AKR1D1: variants seen among roughly 807,000 people sequenced by gnomAD.
The protein encoded by AKR1D1 is delta(4)-3-ketosteroid 5-beta-reductase.
AKR1D1 carries 32 observed loss-of-function variants against 42.6 expected under a neutral mutation model. The ratio of observed to expected loss-of-function variants is 0.75; its 90% CI spans 0.57 to 1.01. The LOEUF is 1.01. Among genes scored for constraint, AKR1D1 ranks in the 50% least tolerant of loss-of-function variants. The pLI is 0.00. For missense variants in AKR1D1, 364 were observed against 402.2 expected (o/e 0.91, Z 0.81); for synonymous variants, 123 against 135.5 (o/e 0.91, Z 0.64).
At chr7:138,114,344 A>C (rs1013624287) in intron 8 of AKR1D1, among the ~76,000 whole-genome samples, 1 of 152,210 alleles carries the variant, frequency 6.6e-6, no homozygotes, top group African/African-American at 2.4e-5. Flanking sequence ...GTAGCTCTTT[A>C]TTCTCTAAAT....
intron 7 of AKR1D1, among the ~76,000 whole-genome samples, chr7:138,112,367 A>T (rs1447978842): frequency 6.6e-6 from 1 of 152,230 alleles, no homozygotes; most frequent in Non-Finnish European, 1.5e-5. Flanking sequence ...CCCTGAAAAG[A>T]GTACTTGGAA....
chr7:138,093,772 A>G (rs1031928761), intron 3 of AKR1D1, among the ~76,000 whole-genome samples: 3 of 152,212 alleles, frequency 2.0e-5, no homozygotes, highest in Non-Finnish European at 4.4e-5. Flanking sequence ...GTTTACTATC[A>G]TTATCAAGTA....
At chr7:138,091,051 C>T (rs904424817) in intron 2 of AKR1D1, among the ~76,000 whole-genome samples, 1 of 152,152 alleles carries the variant, frequency 6.6e-6, no homozygotes, top group Admixed American at 6.5e-5. Flanking sequence ...TAAAGTATCA[C>T]GCTAGGTCAG....
chr7:138,104,629 G>A (rs575603073), intron 4 of AKR1D1, among the ~76,000 whole-genome samples: 9 of 146,872 alleles, frequency 6.1e-5, no homozygotes, highest in Non-Finnish European at 1.2e-4. Flanking sequence ...GCAGTGAGCC[G>A]AGATCGTGCC....
intron 8 of AKR1D1, among the ~76,000 whole-genome samples, chr7:138,114,309 T>C (rs907940931): frequency 6.6e-6 from 1 of 152,198 alleles, no homozygotes; most frequent in Non-Finnish European, 1.5e-5. Context: ...TCCTTCAAAA[T>C]GTCAAGTTCA....
intron 7 of AKR1D1, among the ~76,000 whole-genome samples, chr7:138,112,237 T>C (rs1794550018): frequency 6.6e-6 from 1 of 152,188 alleles, no homozygotes; most frequent in African/African-American, 2.4e-5. Context: ...AAAAAAGAAG[T>C]CTGAGTAAGG....
At chr7:138,113,567 G>C in intron 7 of AKR1D1, 123 bp from the exon 8 acceptor site, 2 of 826,718 alleles carry the variant, frequency 2.4e-6, no homozygotes, top group Non-Finnish European at 2.0e-6. Flanking sequence ...CCCAACACCA[G>C]CCTGACTCCT....
At chr7:138,080,952 T>A (rs1336339680) in intron 1 of AKR1D1, among the ~76,000 whole-genome samples, 1 of 152,096 alleles carries the variant, frequency 6.6e-6, no homozygotes, top group African/African-American at 2.4e-5. Flanking sequence ...TTTTTCAACA[T>A]CTCCCACAGT....
intron 1 of AKR1D1, among the ~76,000 whole-genome samples, chr7:138,087,961 A>G (rs560725511): frequency 1.3e-5 from 2 of 148,818 alleles, no homozygotes; most frequent in South Asian, 4.2e-4. Context: ...CATGATCATG[A>G]CTCACTGCAG....
At chr7:138,078,359 C>T (rs1802985300) in intron 1 of AKR1D1, among the ~76,000 whole-genome samples, 1 of 152,128 alleles carries the variant, frequency 6.6e-6, no homozygotes, top group South Asian at 2.1e-4. Context: ...AGATAAAACT[C>T]AGGTTGTAGC....
intron 3 of AKR1D1, among the ~76,000 whole-genome samples, chr7:138,096,714 C>T (rs1336470511): frequency 6.6e-6 from 1 of 152,162 alleles, no homozygotes. Flanking sequence ...TAAACATTTT[C>T]TTCTCATGGT....
At chr7:138,101,846 C>T (rs1242683978) in intron 4 of AKR1D1, among the ~76,000 whole-genome samples, 11 of 152,124 alleles carry the variant, frequency 7.2e-5, no homozygotes, top group Admixed American at 7.2e-4. Context: ...TGTTAATTTT[C>T]CCCAAATTCA....
At chr7:138,099,938 C>A (rs1259938555) in intron 4 of AKR1D1, among the ~76,000 whole-genome samples, 1 of 149,948 alleles carries the variant, frequency 6.7e-6, no homozygotes, top group Non-Finnish European at 1.5e-5. Flanking sequence ...TGAGGAATAT[C>A]ACGGGTGAGG....
chr7:138,106,493 T>C lies in AKR1D1; in HGVS notation c.580-115T>C, dbSNP rs1020061974. 3.4e-5 allele frequency: 26 copies of C among 773,522 alleles called. No individual in the cohort carries two copies. In the South Asian group the frequency reaches 3.5e-4, roughly 10 times the overall value. 47.9% of individuals were successfully genotyped at this position (773,522 alleles called of 1,614,324 possible). ...ACTAGGACACGAAATGTATATAGTA[T>C]GAAGGAGATTCTATTAATAAAATGG... On this transcript the variant is annotated intron_variant, in intron 5 of 8. Coordinates refer to ENST00000242375, the MANE Select transcript of AKR1D1 (RefSeq NM_005989.4).
intron 4 of AKR1D1, among the ~76,000 whole-genome samples, chr7:138,101,726 G>T (rs544929182): frequency 1.3e-5 from 2 of 152,192 alleles, no homozygotes; most frequent in African/African-American, 4.8e-5. Context: ...AAATCTAAAA[G>T]AATCTGTGCA....
At chr7:138,111,921 A>C (rs1269134993) in intron 7 of AKR1D1, among the ~76,000 whole-genome samples, 1 of 152,236 alleles carries the variant, frequency 6.6e-6, no homozygotes, top group African/African-American at 2.4e-5. Flanking sequence ...ATGTTCATAA[A>C]GAGAATAATT....
chr7:138,105,511 G>A (rs1044204184), intron 5 of AKR1D1, 82 bp downstream of exon 5: 3 of 1,583,400 alleles, frequency 1.9e-6, no homozygotes, highest in African/African-American at 2.7e-5. Flanking sequence ...CTGGGAGTCA[G>A]GAAGGCTCAT....
At position 138,117,643 on chromosome 7, in the gene AKR1D1, T is replaced by C. The variant is rs1196488578; in HGVS notation, c.*981T>C. 2.0e-5 allele frequency: 3 copies of C among 152,226 alleles called. No individual in the cohort carries two copies. The highest frequency in any genetic ancestry group is 2.0e-4 in the Admixed American group (3 of 15,278). 9.4% of individuals were successfully genotyped at this position (152,226 alleles called of 1,614,324 possible). A position where few individuals can be genotyped will look rare whatever the true frequency, so the allele number is the denominator to read the frequency against. ...AAGTTCAAAAGAACTCTGGTAATTTTCCTGTATGTACAATTTAAAGAGTGA... is the reference window on the plus strand; with the variant it reads ...AAGTTCAAAAGAACTCTGGTAATTTCCCTGTATGTACAATTTAAAGAGTGA... On this transcript the variant is annotated 3_prime_UTR_variant, in exon 9 of 9. Coordinates refer to ENST00000242375, the MANE Select transcript of AKR1D1 (RefSeq NM_005989.4).
intron 7 of AKR1D1, among the ~76,000 whole-genome samples, chr7:138,112,547 T>C (rs2117473208): frequency 6.6e-6 from 1 of 152,258 alleles, no homozygotes; most frequent in South Asian, 2.1e-4. Flanking sequence ...GTCCAATTAC[T>C]GCATTTTCCT....
Sources: gnomAD v4.1 joint callset for allele counts (sites outside exome capture counted in the v4.1 genomes callset) on GRCh38, gnomAD v4.1.1 for gene constraint, MANE v1.5 for transcripts, NCBI Gene and HGNC (gene_info 2026-07-23, HGNC 2026-07-21) for gene names.